The following UPP2 variants were observed in gnomAD, a reference collection of about 807,000 sequenced individuals.
UPP2 encodes the protein UPase 2.
A neutral mutation model predicts 26.7 loss-of-function variants in UPP2; 23 were observed. The observed-to-expected ratio is 0.86, with a 90% confidence interval of 0.62 to 1.22. UPP2 has a LOEUF of 1.22. Among genes scored for constraint, UPP2 ranks in the 50% most tolerant of loss-of-function variants. The pLI, the probability that UPP2 is intolerant of heterozygous loss-of-function variation, is 0.00. For synonymous variants in UPP2, 127 were observed against 141.3 expected (o/e 0.90, Z 0.72); for missense variants, 387 against 396.7 (o/e 0.98, Z 0.21).
At chr2:158,109,853 C>T (rs186735326) in intron 2 of UPP2, among the ~76,000 whole-genome samples, 21 of 152,286 alleles carry the variant, frequency 1.4e-4, no homozygotes, top group Non-Finnish European at 3.1e-4. Context: ...TTATAAAATT[C>T]TCCACTCAAA....
Position 158,075,214 on chromosome 2 carries a change from T to C in UPP2, c.148-26826T>C, listed in dbSNP as rs1682612165. ...CCCCACTTTCAGCATTGGACAGATC[T>C]TTCAGAAAGAAAATTAACAAAGAAA... On this transcript the variant is annotated intron_variant, in intron 3 of 9. Coordinates refer to the UPP2 transcript ENST00000605860. Among the ~76,000 whole-genome samples the C allele has an allele frequency of 1.3e-5, 2 of 152,064 alleles. 1 individual carries two copies. Among genetic ancestry groups the C allele is most frequent in the South Asian group, 4.1e-4 (2 of 4,830 alleles).
chr2:158,083,447 A>T (rs188582152), intron 3 of UPP2, among the ~76,000 whole-genome samples: 2,144 of 152,138 alleles, frequency 0.014, 58 homozygotes, highest in African/African-American at 0.049. Flanking sequence ...CAGCAAACTA[A>T]CACAAGAACA....
intron 3 of UPP2, among the ~76,000 whole-genome samples, chr2:158,038,034 G>C (rs1166650280): frequency 6.6e-6 from 1 of 152,184 alleles, no homozygotes; most frequent in Admixed American, 6.5e-5. Flanking sequence ...CATTTCTGCT[G>C]CATTGTTTTC....
At chr2:158,040,660 T>C (rs1388177780) in intron 3 of UPP2, among the ~76,000 whole-genome samples, 1 of 152,212 alleles carries the variant, frequency 6.6e-6, no homozygotes, top group Admixed American at 6.5e-5. Context: ...TTTAATCTAA[T>C]AGTGATTACC....
chr2:158,000,248 G>T (rs2105461770), intron 2 of UPP2, among the ~76,000 whole-genome samples: 1 of 152,114 alleles, frequency 6.6e-6, no homozygotes, highest in African/African-American at 2.4e-5. Flanking sequence ...CTTCTGAGTG[G>T]CTCTTTTTCC....
chr2:158,119,860 A>T (rs1318748980), intron 4 of UPP2, among the ~76,000 whole-genome samples: 4 of 151,488 alleles, frequency 2.6e-5, no homozygotes, highest in Non-Finnish European at 5.9e-5. Flanking sequence ...AAATACAAAA[A>T]ATTAGTTAGG....
In UPP2 at chr2:158,117,818, C is replaced by T. The variant is rs1252931985; in HGVS notation, c.340-6C>T. On this transcript the variant is annotated splice_region_variant and splice_polypyrimidine_tract_variant and intron_variant, in intron 3 of 6. Transcript: ENST00000005756. The stretch of plus-strand genomic sequence containing the variant: ...ATGTATGATGACTTTCTCTTTCTCT[C>T]AATAGCACGGCATGGGCATCCCCTC... 6.2e-7 allele frequency: 1 copy of T among 1,600,040 alleles called. No homozygotes were observed. The highest frequency in any genetic ancestry group is 8.6e-7 in the Non-Finnish European group (1 of 1,167,194).
chr2:158,073,443 A>G (rs1682576405), intron 3 of UPP2, among the ~76,000 whole-genome samples: 1 of 152,216 alleles, frequency 6.6e-6, no homozygotes, highest in African/African-American at 2.4e-5. Context: ...AATATCAAAG[A>G]ACTTCCAAAA....
chr2:158,061,324 T>C (rs1350747363), intron 3 of UPP2, among the ~76,000 whole-genome samples: 1 of 152,122 alleles, frequency 6.6e-6, no homozygotes, highest in Non-Finnish European at 1.5e-5. Flanking sequence ...AGTGTTCCCC[T>C]CACACAAGGC....
Position 158,049,703 on chromosome 2 carries a change from G to C in UPP2, c.147+33817G>C, listed in dbSNP as rs140349092. ...GCACTTTAATTGACTCATGCATTTG[G>C]GATCTGAGACCATTTTAAAAGATCT... On this transcript the variant is annotated intron_variant, in intron 3 of 9. Coordinates refer to the UPP2 transcript ENST00000605860. Among the ~76,000 whole-genome samples, 218 of 152,206 alleles carry C rather than the reference G, an allele frequency of 1.4e-3. 3 individuals carry two copies. The East Asian group carries it at 0.035, about 24-fold the overall frequency.
intron 6 of UPP2, among the ~76,000 whole-genome samples, chr2:158,124,124 C>T (rs1000473047): frequency 6.6e-6 from 1 of 152,170 alleles, no homozygotes; most frequent in Admixed American, 6.5e-5. Flanking sequence ...TAATTGGTGA[C>T]ATGTTCAGGG....
chr2:158,062,485 T>C (rs1682367791), intron 3 of UPP2, among the ~76,000 whole-genome samples: 1 of 151,088 alleles, frequency 6.6e-6, no homozygotes. Context: ...GGGGTTTGCA[T>C]CTTTTCTCAG....
chr2:158,111,475 T>C (rs1461919480), intron 2 of UPP2, among the ~76,000 whole-genome samples: 2 of 152,190 alleles, frequency 1.3e-5, no homozygotes, highest in South Asian at 2.1e-4. Context: ...TGTATCATTA[T>C]CATTATAGAC....
At chr2:158,067,588 C>T (rs1424789241) in intron 3 of UPP2, among the ~76,000 whole-genome samples, 1 of 152,094 alleles carries the variant, frequency 6.6e-6, no homozygotes, top group Non-Finnish European at 1.5e-5. Flanking sequence ...AATGGTGTCC[C>T]ATTATGGGCA....
chr2:158,061,545 G>C (rs1682351931), intron 3 of UPP2, among the ~76,000 whole-genome samples: 1 of 152,156 alleles, frequency 6.6e-6, no homozygotes, highest in Non-Finnish European at 1.5e-5. Context: ...TTAAATAATA[G>C]ATTTAAACTT....
intron 2 of UPP2, among the ~76,000 whole-genome samples, chr2:158,013,649 A>G (rs1683613887): frequency 6.6e-6 from 1 of 152,224 alleles, no homozygotes. Context: ...AAGAGGTGAG[A>G]TGATGGATAC....
intron 3 of UPP2, among the ~76,000 whole-genome samples, chr2:158,070,400 A>G (rs1277422323): frequency 6.6e-6 from 1 of 152,200 alleles, no homozygotes; most frequent in African/African-American, 2.4e-5. Context: ...AGGTCTCTTG[A>G]TTCAAGTAAA....
At chr2:158,118,503 C>G (rs1683490164) in intron 4 of UPP2, among the ~76,000 whole-genome samples, 1 of 151,958 alleles carries the variant, frequency 6.6e-6, no homozygotes, top group Non-Finnish European at 1.5e-5. Flanking sequence ...TCCCAACCTC[C>G]CTTCTTCTTA....
chr2:158,101,509 G>A (rs1683074727), upstream of UPP2, among the ~76,000 whole-genome samples: 1 of 152,188 alleles, frequency 6.6e-6, no homozygotes, highest in African/African-American at 2.4e-5. Context: ...TGATGACAAA[G>A]AATGAAAACA....
Sources: gnomAD v4.1 joint callset for allele counts (sites outside exome capture counted in the v4.1 genomes callset) on GRCh38, gnomAD v4.1.1 for gene constraint, MANE v1.5 for transcripts, NCBI Gene and HGNC (gene_info 2026-07-23, HGNC 2026-07-21) for gene names.